The following IL1RAPL1 variants were observed in gnomAD, a reference collection of about 807,000 sequenced individuals.
IL1RAPL1 encodes the protein interleukin 1 receptor accessory protein like 1, also known as interleukin-1 receptor accessory protein-like 1.
A neutral mutation model predicts 48.4 loss-of-function variants in IL1RAPL1; 3 were observed. The ratio of observed to expected loss-of-function variants is 0.06; its 90% CI spans 0.03 to 0.16. IL1RAPL1 has a LOEUF of 0.16. Among genes scored for constraint, IL1RAPL1 ranks in the 10% least tolerant of loss-of-function variants. The pLI, the probability that IL1RAPL1 is intolerant of heterozygous loss-of-function variation, is 1.00. For missense variants in IL1RAPL1, 349 were observed against 530.6 expected (o/e 0.66, Z 3.36); for synonymous variants, 185 against 187.7 (o/e 0.99, Z 0.12).
intron 2 of IL1RAPL1, among the ~76,000 whole-genome samples, chrX:29,098,740 G>T (rs763626763): frequency 2.1e-4 from 24 of 112,764 alleles, no homozygotes; most frequent in Non-Finnish European, 4.1e-4. Context: ...AATAGTGTTA[G>T]TTATTTGGTA....
intron 1 of IL1RAPL1, among the ~76,000 whole-genome samples, chrX:28,614,960 C>T (rs900804844): frequency 5.4e-5 from 6 of 110,839 alleles, no homozygotes; most frequent in African/African-American, 2.0e-4. Flanking sequence ...GAGATCGTGG[C>T]TCACTGCAAG....
rs111721692 is a variant in IL1RAPL1, at chrX:29,839,393, A to C, written c.779-78071A>C. On this transcript the variant is annotated intron_variant, in intron 6 of 10. Transcript: ENST00000378993. ...TTGGTTATACAAAGCAAATATTCTA[A>C]TATGAGAACAACCTGTTAATGATAT... Among the ~76,000 whole-genome samples the C allele has an allele frequency of 5.0e-3, 562 of 112,236 alleles. 2 individuals carry two copies. Among genetic ancestry groups the C allele is most frequent in the African/African-American group, 0.018 (542 of 30,951 alleles).
chrX:28,805,354 A>G (rs1470327311), intron 2 of IL1RAPL1, among the ~76,000 whole-genome samples: 1 of 111,442 alleles, frequency 9.0e-6, no homozygotes, highest in African/African-American at 3.3e-5. Flanking sequence ...TTCCTGGTCA[A>G]ATACATTTTT....
chrX:29,139,631 T>C (rs2147490711), intron 2 of IL1RAPL1, among the ~76,000 whole-genome samples: 1 of 111,643 alleles, frequency 9.0e-6, no homozygotes, highest in South Asian at 3.7e-4. Context: ...TCTCTCATTT[T>C]ACATGTGGCA....
At chrX:29,079,543 C>A (rs1025793150) in intron 2 of IL1RAPL1, among the ~76,000 whole-genome samples, 1 of 109,144 alleles carries the variant, frequency 9.2e-6, no homozygotes, top group Non-Finnish European at 1.9e-5. Flanking sequence ...TATGGTAGAG[C>A]TAAGGTCACT....
intron 6 of IL1RAPL1, among the ~76,000 whole-genome samples, chrX:29,768,087 A>G (rs1928960106): frequency 8.9e-6 from 1 of 112,014 alleles, no homozygotes; most frequent in Admixed American, 9.5e-5. Context: ...CAAATAGCAT[A>G]CAATGTTTAA....
intron 5 of IL1RAPL1, among the ~76,000 whole-genome samples, chrX:29,406,784 A>G (rs767127608): frequency 2.7e-4 from 30 of 112,196 alleles, no homozygotes; most frequent in Non-Finnish European, 5.1e-4. Flanking sequence ...GAGTATTCCT[A>G]TAGAGATGAT....
At chrX:29,080,936 C>CTTTCTTTCTTTCT (rs1201871839) in intron 2 of IL1RAPL1, among the ~76,000 whole-genome samples, 305 of 29,785 alleles carry the variant, frequency 0.01, 15 homozygotes, top group African/African-American at 0.025. Context: ...TTCTTTCTTT[C>CTTTCTTTCTTTCT]TTTCTTTCTT....
At chrX:29,499,687 GC>G (rs1162222939) in intron 5 of IL1RAPL1, among the ~76,000 whole-genome samples, 1 of 111,394 alleles carries the variant, frequency 9.0e-6, no homozygotes, top group African/African-American at 3.3e-5. Flanking sequence ...GTTGAACCCA[GC>G]CCTCTTTCTG....
intron 5 of IL1RAPL1, among the ~76,000 whole-genome samples, chrX:29,583,750 C>T (rs1192260164): frequency 2.9e-5 from 3 of 102,056 alleles, no homozygotes; most frequent in African/African-American, 7.7e-5. Flanking sequence ...AAAAAGAGCC[C>T]GCATCGCCAA....
At chrX:29,070,569 G>A (rs1363893895) in intron 2 of IL1RAPL1, among the ~76,000 whole-genome samples, 2 of 111,171 alleles carry the variant, frequency 1.8e-5, no homozygotes, top group Non-Finnish European at 3.8e-5. Flanking sequence ...CTATCTCCCA[G>A]TGCCATGTTT....
At chrX:28,821,002 A>G (rs529994807) in intron 2 of IL1RAPL1, among the ~76,000 whole-genome samples, 6 of 111,827 alleles carry the variant, frequency 5.4e-5, no homozygotes, top group African/African-American at 9.7e-5. Context: ...CTGAGTTGAC[A>G]ATAGGCAACA....
intron 2 of IL1RAPL1, among the ~76,000 whole-genome samples, chrX:29,168,570 T>TATATATATATAC (rs771897220): frequency 4.2e-5 from 4 of 95,895 alleles, no homozygotes; most frequent in Non-Finnish European, 8.3e-5. Context: ...TATATATATA[T>TATATATATATAC]ACACACACAA....
At chrX:28,885,569 TA>T (rs1215560445) in intron 2 of IL1RAPL1, among the ~76,000 whole-genome samples, 1 of 112,063 alleles carries the variant, frequency 8.9e-6, no homozygotes, top group Non-Finnish European at 1.9e-5. Flanking sequence ...TTTTTAATTT[TA>T]ACATATGTTT....
intron 6 of IL1RAPL1, among the ~76,000 whole-genome samples, chrX:29,802,534 A>AT (rs1388510025): frequency 9.3e-6 from 1 of 106,986 alleles, no homozygotes; most frequent in South Asian, 4.1e-4. Context: ...GGCTTTTAAT[A>AT]TTTTTTTTCA....
chrX:29,287,043 C>A (rs1475018784), intron 3 of IL1RAPL1, among the ~76,000 whole-genome samples: 1 of 110,901 alleles, frequency 9.0e-6, no homozygotes, highest in Non-Finnish European at 1.9e-5. Context: ...AATGCCATCA[C>A]GTCTCAAGGG....
intron 6 of IL1RAPL1, among the ~76,000 whole-genome samples, chrX:29,679,910 A>G (rs1311916114): frequency 2.7e-5 from 3 of 112,187 alleles, no homozygotes; most frequent in African/African-American, 9.7e-5. Context: ...GGCAGAAAGT[A>G]CTGGATTGTA....
chrX:29,495,005 T>C (rs1340185143), intron 5 of IL1RAPL1, among the ~76,000 whole-genome samples: 2 of 111,977 alleles, frequency 1.8e-5, no homozygotes, highest in East Asian at 5.6e-4. Flanking sequence ...TTCCAGTTTC[T>C]AAAAGAAAAA....
intron 2 of IL1RAPL1, among the ~76,000 whole-genome samples, chrX:28,963,795 C>G (rs1478928683): frequency 9.0e-6 from 1 of 111,244 alleles, no homozygotes; most frequent in Non-Finnish European, 1.9e-5. Flanking sequence ...CATCTTCTCT[C>G]TCTTATTTCT....
Sources: gnomAD v4.1 joint callset for allele counts (sites outside exome capture counted in the v4.1 genomes callset) on GRCh38, gnomAD v4.1.1 for gene constraint, MANE v1.5 for transcripts, NCBI Gene and HGNC (gene_info 2026-07-23, HGNC 2026-07-21) for gene names.